Variants in SLC11A2 observed in about 807,000 individuals in gnomAD.
SLC11A2 encodes the protein solute carrier family 11 member 2.
A neutral mutation model predicts 68.0 loss-of-function variants in SLC11A2; 38 were observed. The observed-to-expected ratio is 0.56, with a 90% CI of 0.43 to 0.73. SLC11A2 has a LOEUF of 0.73. Ranked by LOEUF, SLC11A2 falls within the 30% of genes least tolerant of loss-of-function variation. The probability of loss-of-function intolerance (pLI) is 0.00; values close to 1 mark genes in which losing one functional copy is unlikely to be tolerated. For synonymous variants in SLC11A2, 242 were observed against 250.6 expected, an observed-to-expected ratio of 0.97 and a Z score of 0.32; for missense variants, 517 against 690.5, an observed-to-expected ratio of 0.75 and a Z score of 2.82.
chr12:50,999,306 G>C lies in SLC11A2; in HGVS notation c.607+39C>G, dbSNP rs973178420. ...ACTTCCCCATCTGCCACATGACAGAGAGCAGCTCCTTTGACCCTCCCATTC... is the reference window on the plus strand; with the variant it reads ...ACTTCCCCATCTGCCACATGACAGACAGCAGCTCCTTTGACCCTCCCATTC... On this transcript the variant is annotated intron_variant, in intron 7 of 15. Coordinates refer to ENST00000262052, the MANE Select transcript of SLC11A2 (RefSeq NM_000617.3). 13 of 1,606,852 alleles carry C rather than the reference G, an allele frequency of 8.1e-6. No homozygotes were observed. The African/African-American group carries it at 1.1e-4, about 13-fold the overall frequency.
At position 51,010,680 on chromosome 12, in the gene SLC11A2, A is replaced by T. The variant is rs748526935; in HGVS notation, c.34+15T>A. The T allele has an allele frequency of 7.0e-7, 1 of 1,430,354 alleles. No homozygotes were observed. The highest frequency in any genetic ancestry group is 9.9e-7 in the Non-Finnish European group (1 of 1,009,844). 88.6% of individuals were successfully genotyped at this position (1,430,354 alleles called of 1,614,324 possible). On this transcript the variant is annotated intron_variant, in intron 2 of 15. Coordinates refer to ENST00000262052, the MANE Select transcript of SLC11A2 (RefSeq NM_000617.3). ...TACAAATAAAATTAGACAATAACAC[A>T]AAGCGGTAAATTACCATCTGACATC...
At chr12:51,028,252 A>G (rs1341404279), upstream of SLC11A2, 6 of 1,528,912 alleles carry the variant, frequency 3.9e-6, no homozygotes, top group Non-Finnish European at 5.3e-6. Flanking sequence ...GACTTTCCCA[A>G]TGCCAGCTCC....
chr12:51,007,192 C>T (rs1942798728), intron 3 of SLC11A2, among the ~76,000 whole-genome samples: 1 of 152,078 alleles, frequency 6.6e-6, no homozygotes, highest in Non-Finnish European at 1.5e-5. Context: ...AACTTCTGAC[C>T]CCTAAAACGT....
intron 6 of SLC11A2, 91 bp downstream of exon 6, chr12:51,000,222 T>G: frequency 1.1e-6 from 1 of 948,068 alleles, no homozygotes; most frequent in Non-Finnish European, 1.7e-6. Flanking sequence ...GAGTTGAGTC[T>G]TCAAAATTAA....
chr12:51,017,998 A>G (rs1943779160), intron 1 of SLC11A2, among the ~76,000 whole-genome samples: 1 of 152,240 alleles, frequency 6.6e-6, no homozygotes, highest in Non-Finnish European at 1.5e-5. Flanking sequence ...AACACATACT[A>G]GCTATAATAA....
At chr12:50,958,113 C>T in the SLC11A2 span, among the ~76,000 whole-genome samples, 1 of 151,118 alleles carries the variant, frequency 6.6e-6, no homozygotes, top group Admixed American at 6.6e-5. Flanking sequence ...ATCCTGTGTT[C>T]CTGAATTGGA....
downstream of SLC11A2, among the ~76,000 whole-genome samples, chr12:50,984,894 A>G (rs2136142206): frequency 6.6e-6 from 1 of 152,324 alleles, no homozygotes; most frequent in South Asian, 2.1e-4. Context: ...ACAACCCAAC[A>G]TGAAGGGTAT....
chr12:50,955,647 C>A, the SLC11A2 span, among the ~76,000 whole-genome samples: 1 of 152,114 alleles, frequency 6.6e-6, no homozygotes, highest in Non-Finnish European at 1.5e-5. Flanking sequence ...ATTCACATAT[C>A]AAGAAAGAAT....
chr12:50,973,159 G>A, the SLC11A2 span, among the ~76,000 whole-genome samples: 8 of 152,122 alleles, frequency 5.3e-5, no homozygotes, highest in African/African-American at 1.2e-4. Context: ...CTCCCAGCAC[G>A]GAGCTTGAGA....
the SLC11A2 span, among the ~76,000 whole-genome samples, chr12:50,957,479 A>AT: frequency 7.9e-5 from 12 of 151,826 alleles, no homozygotes; most frequent in Non-Finnish European, 1.8e-4. Context: ...GATTACAGGA[A>AT]TGAGCCACCA....
chr12:50,990,902 T>C lies in SLC11A2; in HGVS notation c.1468A>G (p.Ile490Val). The change falls in exon 15 of 16, where the codon ATC (isoleucine) becomes GTC (valine). Residue 490 changes from isoleucine (I) to valine (V), a missense_variant. Transcript: ENST00000262052. ...TAAACCACTACAAAGTACATATTGA[T>C]GGAACAGATGATAAGGACCAAGATT... ...GGILVLIICS[I>V]NMYFVVVYVR... The C allele has an allele frequency of 6.2e-7, 1 of 1,613,972 alleles. No individual in the cohort carries two copies. Among genetic ancestry groups the C allele is most frequent in the Non-Finnish European group, 8.5e-7 (1 of 1,179,938 alleles).
In SLC11A2 at chr12:50,995,839, T is replaced by G. The variant is rs371171935; in HGVS notation, c.832-52A>C. The G allele has an allele frequency of 2.5e-6, 4 of 1,580,212 alleles. No individual in the cohort carries two copies. The Admixed American group carries it at 6.7e-5, about 26-fold the overall frequency. On this transcript the variant is annotated intron_variant, in intron 9 of 15. Transcript: ENST00000262052. ...TTTTGACCAGTTAGAACAAGTTTCC[T>G]TGTGACATTTCAGGAGTTTGGAGTC...
chr12:50,997,029 T>C (rs183180371), intron 8 of SLC11A2, 57 bp from the exon 9 acceptor site: 476 of 1,380,890 alleles, frequency 3.4e-4, no homozygotes, highest in East Asian at 1.8e-3. Flanking sequence ...GGGAGTAACA[T>C]AGTACCAGGG....
chr12:50,953,953 G>T, the SLC11A2 span: 1 of 1,123,848 alleles, frequency 8.9e-7, no homozygotes, highest in Non-Finnish European at 1.3e-6. Context: ...TATTTTTAAT[G>T]ATTCACGGCA....
chr12:50,959,017 A>G, the SLC11A2 span, among the ~76,000 whole-genome samples: 1 of 152,096 alleles, frequency 6.6e-6, no homozygotes, highest in Admixed American at 6.5e-5. Context: ...ACTCTGTCTC[A>G]AAAGAAAAAC....
chr12:50,975,237 G>A (rs931291777), downstream of SLC11A2, among the ~76,000 whole-genome samples: 3 of 152,156 alleles, frequency 2.0e-5, no homozygotes, highest in African/African-American at 7.2e-5. Flanking sequence ...CACATAGTTG[G>A]AAGTAAAGCA....
chr12:50,981,399 C>G (rs1229477779), downstream of SLC11A2: 1 of 164,904 alleles, frequency 6.1e-6, no homozygotes, highest in Non-Finnish European at 1.3e-5. Context: ...AAAACTCTAC[C>G]CAAACTGAGA....
the SLC11A2 span, among the ~76,000 whole-genome samples, chr12:50,958,282 CTTT>C: frequency 3.7e-5 from 5 of 133,898 alleles, no homozygotes; most frequent in Admixed American, 7.5e-5. Flanking sequence ...CTAAAATAAT[CTTT>C]TTTTTTTTTT....
the SLC11A2 span, among the ~76,000 whole-genome samples, chr12:50,973,179 G>A: frequency 2.0e-5 from 3 of 152,092 alleles, no homozygotes; most frequent in African/African-American, 7.2e-5. Flanking sequence ...ATCTGAGAAC[G>A]GACAGACTGC....
Sources: gnomAD v4.1 joint callset for allele counts (sites outside exome capture counted in the v4.1 genomes callset) on GRCh38, gnomAD v4.1.1 for gene constraint, MANE v1.5 for transcripts, NCBI Gene and HGNC (gene_info 2026-07-23, HGNC 2026-07-21) for gene names.